DMD: variants seen among roughly 807,000 people sequenced by gnomAD.
DMD encodes dystrophin.
In DMD, 63 loss-of-function variants were observed where a neutral mutation model predicts 330.1. The observed-to-expected ratio is 0.19, with a 90% CI of 0.16 to 0.24. The LOEUF (loss-of-function observed/expected upper bound fraction) is 0.24. Ranked by LOEUF, DMD falls within the 10% of genes least tolerant of loss-of-function variation. The probability of loss-of-function intolerance (pLI) is 1.00; values close to 1 mark genes in which losing one functional copy is unlikely to be tolerated. For synonymous variants in DMD, 1,223 were observed against 959.8 expected, an observed-to-expected ratio of 1.27 and a Z score of -5.07; for missense variants, 3,344 against 2,684.1, an observed-to-expected ratio of 1.25 and a Z score of -5.43.
In DMD at chrX:32,390,061, T is replaced by C. The variant is rs1426848117; in HGVS notation, c.4344+10A>G. ...AAAACACGTTCCTTAGTTTCTGAAA[T>C]AACATATACCTGTGCAACATCAATC... On this transcript the variant is annotated intron_variant, in intron 31 of 78. Transcript: ENST00000357033. 1.7e-6 allele frequency: 2 copies of C among 1,183,358 alleles called. No homozygotes were observed. Among genetic ancestry groups the C allele is most frequent in the South Asian group, 3.6e-5 (2 of 56,284 alleles).
At chrX:32,592,907 T>C (rs1192650295) in intron 13 of DMD, among the ~76,000 whole-genome samples, 3 of 112,874 alleles carry the variant, frequency 2.7e-5, no homozygotes, top group South Asian at 3.7e-4. Context: ...GTACATCTGG[T>C]CCAGCCACAG....
At chrX:31,671,871 A>AT (rs1247583767) in intron 53 of DMD, among the ~76,000 whole-genome samples, 1 of 109,954 alleles carries the variant, frequency 9.1e-6, no homozygotes, top group African/African-American at 3.3e-5. Flanking sequence ...GGTTTTGTTG[A>AT]TTTTTTCTAT....
At chrX:31,675,172 G>T (rs1011083343) in intron 53 of DMD, among the ~76,000 whole-genome samples, 18 of 111,867 alleles carry the variant, frequency 1.6e-4, no homozygotes, top group African/African-American at 5.8e-4. Context: ...TGTTATGGCC[G>T]TCTCTTGATG....
At chrX:32,810,067 G>T (rs1013622568) in intron 6 of DMD, among the ~76,000 whole-genome samples, 1 of 110,370 alleles carries the variant, frequency 9.1e-6, no homozygotes, top group Non-Finnish European at 1.9e-5. Flanking sequence ...AGGGTTCAGT[G>T]AACCATAATC....
At chrX:31,928,379 C>T (rs763090551) in intron 47 of DMD, among the ~76,000 whole-genome samples, 2 of 111,067 alleles carry the variant, frequency 1.8e-5, no homozygotes, top group South Asian at 7.6e-4. Flanking sequence ...CCAAGGTGGG[C>T]GGATCACCTG....
intron 9 of DMD, among the ~76,000 whole-genome samples, chrX:32,685,812 AT>A (rs1268623239): frequency 9.0e-6 from 1 of 111,727 alleles, no homozygotes; most frequent in Admixed American, 9.6e-5. Flanking sequence ...AAGATAGTTT[AT>A]TTCCCCAAAG....
intron 57 of DMD, among the ~76,000 whole-genome samples, chrX:31,493,518 C>T (rs898171024): frequency 9.0e-6 from 1 of 111,401 alleles, no homozygotes; most frequent in Non-Finnish European, 1.9e-5. Context: ...ATTTAAAGCC[C>T]CACATAAGAG....
chrX:32,976,050 A>G lies in DMD; in HGVS notation c.93+44089T>C, dbSNP rs759416142. On this transcript the variant is annotated intron_variant, in intron 2 of 78. Transcript: ENST00000357033. Reference sequence around the variant, plus strand: ...AGTCTGGCCAACATGGTGAAACCCCATCTCTACTAAAAATACAAAAATTAG... The same window carrying G: ...AGTCTGGCCAACATGGTGAAACCCCGTCTCTACTAAAAATACAAAAATTAG... Among the ~76,000 whole-genome samples, 6 of 111,312 alleles carry G rather than the reference A, an allele frequency of 5.4e-5. No individual in the cohort carries two copies. The East Asian group carries it at 1.7e-3, about 32-fold the overall frequency.
At chrX:32,072,542 T>G (rs2096309043) in intron 44 of DMD, among the ~76,000 whole-genome samples, 1 of 111,757 alleles carries the variant, frequency 8.9e-6, no homozygotes. Context: ...CAGATTGTAG[T>G]ATCTATCAAT....
chrX:32,894,452 G>A (rs747794955), intron 2 of DMD, among the ~76,000 whole-genome samples: 7 of 112,855 alleles, frequency 6.2e-5, no homozygotes, highest in Non-Finnish European at 9.4e-5. Flanking sequence ...AGTGATGGCG[G>A]CGGTGGGATG....
intron 29 of DMD, among the ~76,000 whole-genome samples, chrX:32,432,651 G>A (rs2098243042): frequency 8.9e-6 from 1 of 112,114 alleles, no homozygotes; most frequent in Non-Finnish European, 1.9e-5. Context: ...TTAGCAAAAG[G>A]ACTGACGTAA....
intron 55 of DMD, among the ~76,000 whole-genome samples, chrX:31,538,515 A>G (rs1381078977): frequency 1.8e-5 from 2 of 112,304 alleles, no homozygotes; most frequent in African/African-American, 6.5e-5. Flanking sequence ...AAATGGATAA[A>G]TAACTGTATG....
At chrX:31,156,977 A>T (rs1009327680) in intron 74 of DMD, among the ~76,000 whole-genome samples, 7 of 112,097 alleles carry the variant, frequency 6.2e-5, no homozygotes, top group African/African-American at 2.3e-4. Context: ...GTGCCTTAGT[A>T]AAGTTTATCA....
At chrX:31,859,006 G>A (rs1171607088) in intron 48 of DMD, among the ~76,000 whole-genome samples, 1 of 111,921 alleles carries the variant, frequency 8.9e-6, no homozygotes, top group East Asian at 2.8e-4. Context: ...CAGTAACTCA[G>A]AGATTTAAGA....
At chrX:33,008,203 G>T (rs1475548104) in intron 2 of DMD, among the ~76,000 whole-genome samples, 1 of 111,217 alleles carries the variant, frequency 9.0e-6, no homozygotes, top group Non-Finnish European at 1.9e-5. Context: ...AGCTAAATTA[G>T]GATACAAATA....
At chrX:31,366,494 A>T (rs1457022148) in intron 60 of DMD, among the ~76,000 whole-genome samples, 1 of 100,066 alleles carries the variant, frequency 1.0e-5, no homozygotes, top group African/African-American at 3.8e-5. Flanking sequence ...AAAAAAAAAA[A>T]AACATAAAAA....
intron 44 of DMD, among the ~76,000 whole-genome samples, chrX:32,087,018 T>C (rs907112515): frequency 8.9e-6 from 1 of 111,913 alleles, no homozygotes; most frequent in African/African-American, 3.2e-5. Context: ...GTTTTTGATG[T>C]TAAGAATTGA....
rs771992420 is a variant in DMD at position 31,820,049 on chromosome X, G to A, written c.7235C>T (p.Ala2412Val). Reference sequence around the variant, plus strand: ...CAGCTCTTGAAGTAAACGGTTTACCGCCTTCCACTCAGAGCTCAGATCTTC... The same window carrying A: ...CAGCTCTTGAAGTAAACGGTTTACCACCTTCCACTCAGAGCTCAGATCTTC... ...KLEDLSSEWK[A>V]VNRLLQELRA... The change falls in exon 50 of 79, where the codon GCG becomes GTG. Residue 2412 changes from alanine (A) to valine (V), a missense_variant. Ala to Val is a moderately conservative substitution (Grantham distance 64). Coordinates refer to ENST00000357033, the MANE Select transcript of DMD (RefSeq NM_004006.3). 1.8e-5 allele frequency: 22 copies of A among 1,209,608 alleles called. No individual in the cohort carries two copies. The highest frequency in any genetic ancestry group is 8.9e-5 in the East Asian group (3 of 33,760).
intron 49 of DMD, among the ~76,000 whole-genome samples, chrX:31,825,564 T>C (rs890843875): frequency 1.8e-5 from 2 of 111,573 alleles, no homozygotes; most frequent in African/African-American, 6.5e-5. Context: ...ATCTCAGTGA[T>C]TTGAGTTAGC....
Sources: gnomAD v4.1 joint callset for allele counts (sites outside exome capture counted in the v4.1 genomes callset) on GRCh38, gnomAD v4.1.1 for gene constraint, MANE v1.5 for transcripts, NCBI Gene and HGNC (gene_info 2026-07-23, HGNC 2026-07-21) for gene names.